The following MEIKIN variants were observed in gnomAD, a reference collection of about 807,000 sequenced individuals.
MEIKIN encodes meiotic kinetochore factor.
chr5:131,866,638 T>A (rs1750390168), intron 9 of MEIKIN, among the ~76,000 whole-genome samples: 1 of 152,082 alleles, frequency 6.6e-6, no homozygotes, highest in Non-Finnish European at 1.5e-5. Context: ...CAGTTGCCCC[T>A]CTGTGGGGGT....
intron 3 of MEIKIN, 103 bp downstream of exon 3, chr5:131,944,562 T>C (rs963996032): frequency 7.6e-6 from 3 of 397,194 alleles, no homozygotes; most frequent in Admixed American, 8.8e-5. Context: ...CTATGTAACA[T>C]CTACAGAACA....
chr5:131,816,174 T>C (rs530965909), intron 12 of MEIKIN, among the ~76,000 whole-genome samples: 3 of 152,334 alleles, frequency 2.0e-5, no homozygotes, highest in South Asian at 2.1e-4. Context: ...ATTATTGTCT[T>C]TATCTGGAGA....
Position 131,908,929 on chromosome 5 carries a change from A to G in MEIKIN, c.703+2886T>C, listed in dbSNP as rs139117625. The stretch of plus-strand genomic sequence containing the variant: ...ACTGATGCAAAAAATTGAAGAAGAC[A>G]GCAAAAAATTGGAAAGATATTCCAT... On this transcript the variant is annotated intron_variant, in intron 8 of 12. Transcript: ENST00000442687. 3.2e-3 allele frequency among the ~76,000 whole-genome samples: 484 copies of G among 152,332 alleles called. 3 individuals are homozygous for G. The highest frequency in any genetic ancestry group is 0.011 in the African/African-American group (461 of 41,592).
intron 9 of MEIKIN, among the ~76,000 whole-genome samples, chr5:131,862,684 T>G (rs1750308249): frequency 6.6e-6 from 1 of 152,182 alleles, no homozygotes; most frequent in Admixed American, 6.5e-5. Flanking sequence ...CGTATTTCAA[T>G]TTTTATTTAT....
chr5:131,866,184 G>A (rs1415190935), intron 9 of MEIKIN, among the ~76,000 whole-genome samples: 1 of 152,242 alleles, frequency 6.6e-6, no homozygotes, highest in Non-Finnish European at 1.5e-5. Context: ...AATGGGTTGG[G>A]CAGGCTGGTT....
intron 5 of MEIKIN, among the ~76,000 whole-genome samples, chr5:131,933,311 T>C (rs1751719308): frequency 6.6e-6 from 1 of 152,176 alleles, no homozygotes; most frequent in African/African-American, 2.4e-5. Context: ...CATTTCTTCA[T>C]CCTTCCTTGA....
chr5:131,854,046 T>C (rs1420641381), intron 10 of MEIKIN, among the ~76,000 whole-genome samples: 1 of 152,212 alleles, frequency 6.6e-6, no homozygotes, highest in African/African-American at 2.4e-5. Context: ...TACACCCATG[T>C]TCATAGCAGC....
intron 9 of MEIKIN, among the ~76,000 whole-genome samples, chr5:131,867,399 T>A (rs1399861123): frequency 6.6e-6 from 1 of 152,188 alleles, no homozygotes; most frequent in African/African-American, 2.4e-5. Flanking sequence ...CAGTTTACCT[T>A]AGGGTTGGGT....
intron 11 of MEIKIN, among the ~76,000 whole-genome samples, chr5:131,838,683 G>C (rs532297368): frequency 2.0e-5 from 3 of 152,122 alleles, no homozygotes; most frequent in Admixed American, 6.5e-5. Context: ...GCTTTTCTGT[G>C]GGGCCAGTGT....
intron 5 of MEIKIN, among the ~76,000 whole-genome samples, chr5:131,923,829 T>G (rs1751546077): frequency 6.6e-6 from 1 of 152,034 alleles, no homozygotes; most frequent in Non-Finnish European, 1.5e-5. Flanking sequence ...AAAATTATTT[T>G]TATAGTTAGA....
At chr5:131,860,476 T>TG (rs1750265094) in intron 9 of MEIKIN, among the ~76,000 whole-genome samples, 1 of 152,030 alleles carries the variant, frequency 6.6e-6, no homozygotes, top group South Asian at 2.1e-4. Flanking sequence ...GACAGAGTCT[T>TG]GCTCTGTTGC....
intron 6 of MEIKIN, among the ~76,000 whole-genome samples, chr5:131,921,397 C>A: frequency 6.6e-6 from 1 of 151,750 alleles, no homozygotes; most frequent in South Asian, 2.1e-4. Context: ...GTGGCTCACA[C>A]CTGTAATCCC....
At chr5:131,842,551 T>G (rs916897457) in intron 11 of MEIKIN, among the ~76,000 whole-genome samples, 2 of 152,192 alleles carry the variant, frequency 1.3e-5, no homozygotes, top group African/African-American at 4.8e-5. Context: ...TTGATTGCAA[T>G]GATAATACGT....
chr5:131,865,472 G>A (rs1750367309), intron 9 of MEIKIN, among the ~76,000 whole-genome samples: 1 of 152,196 alleles, frequency 6.6e-6, no homozygotes, highest in Non-Finnish European at 1.5e-5. Flanking sequence ...GCCCACCTGG[G>A]CCTCCCAAAG....
chr5:131,868,683 C>T (rs1480060382), intron 9 of MEIKIN, among the ~76,000 whole-genome samples: 1 of 151,210 alleles, frequency 6.6e-6, no homozygotes, highest in African/African-American at 2.4e-5. Context: ...TGCGATCCTC[C>T]CATCTCAGCC....
chr5:131,811,846 G>A (rs1772962784), intron 12 of MEIKIN, among the ~76,000 whole-genome samples: 1 of 152,070 alleles, frequency 6.6e-6, no homozygotes, highest in African/African-American at 2.4e-5. Context: ...GACCCGCCTG[G>A]GCCTCCCAAA....
intron 10 of MEIKIN, among the ~76,000 whole-genome samples, chr5:131,852,714 T>A (rs1222741498): frequency 6.6e-6 from 1 of 152,118 alleles, no homozygotes; most frequent in Non-Finnish European, 1.5e-5. Flanking sequence ...ATGAAAATGT[T>A]CTTAAATAGG....
intron 12 of MEIKIN, among the ~76,000 whole-genome samples, chr5:131,809,553 A>C (rs1036419858): frequency 6.6e-6 from 1 of 152,212 alleles, no homozygotes; most frequent in Non-Finnish European, 1.5e-5. Context: ...TCACGCCTGT[A>C]ATCCCAGCAC....
intron 8 of MEIKIN, among the ~76,000 whole-genome samples, chr5:131,895,377 T>C (rs1441807572): frequency 6.6e-6 from 1 of 152,226 alleles, no homozygotes; most frequent in East Asian, 1.9e-4. Context: ...TGCCAGGCTT[T>C]GGTATCAGGA....
Sources: allele counts gnomAD v4.1 joint callset (sites outside exome capture counted in the v4.1 genomes callset), GRCh38; gene constraint gnomAD v4.1.1; transcripts MANE v1.5; gene names NCBI Gene and HGNC (gene_info 2026-07-23, HGNC 2026-07-21).